The following IL34 variants were observed in gnomAD, a reference collection of about 807,000 sequenced individuals.
IL34 encodes the protein interleukin-34.
A neutral mutation model predicts 25.3 loss-of-function variants in IL34; 17 were observed. The ratio of observed to expected loss-of-function variants is 0.67; its 90% CI spans 0.46 to 1.01. IL34 has a LOEUF of 1.01. Among genes scored for constraint, IL34 ranks in the 50% least tolerant of loss-of-function variants. IL34 has a pLI of 0.00. For synonymous variants in IL34, 174 were observed against 140.9 expected (o/e 1.23, Z -1.66); for missense variants, 368 against 312.9 (o/e 1.18, Z -1.33).
chr16:70,608,485 G>C (rs1482133685), intron 1 of IL34, among the ~76,000 whole-genome samples: 10 of 152,196 alleles, frequency 6.6e-5, no homozygotes, highest in Non-Finnish European at 1.3e-4. Flanking sequence ...GGGATTAGGA[G>C]ATTAGGATAC....
At chr16:70,620,433 TGAG>T (rs1413516739) in intron 1 of IL34, among the ~76,000 whole-genome samples, 1 of 130,548 alleles carries the variant, frequency 7.7e-6, no homozygotes, top group Non-Finnish European at 1.6e-5. Flanking sequence ...CCACCAGGTG[TGAG>T]GAGGGGAGGT....
chr16:70,640,317 T>G (rs536794553), intron 1 of IL34, among the ~76,000 whole-genome samples: 1 of 152,206 alleles, frequency 6.6e-6, no homozygotes, highest in South Asian at 2.1e-4. Context: ...AATTTTGTAT[T>G]TTTTATTTTT....
intron 1 of IL34, among the ~76,000 whole-genome samples, chr16:70,598,118 T>C (rs2050851092): frequency 6.6e-6 from 1 of 152,172 alleles, no homozygotes; most frequent in Admixed American, 6.5e-5. Context: ...AGTGCTGGTA[T>C]TACAGGCATA....
At chr16:70,641,859 C>T (rs80102893), upstream of IL34, among the ~76,000 whole-genome samples, 7,597 of 152,102 alleles carry the variant, frequency 0.05, 252 homozygotes, top group Non-Finnish European at 0.07. Context: ...TGAGCCACTG[C>T]GCCTGGCCAA....
At chr16:70,594,388 T>C (rs896270339) in intron 1 of IL34, among the ~76,000 whole-genome samples, 1 of 152,204 alleles carries the variant, frequency 6.6e-6, no homozygotes, top group Non-Finnish European at 1.5e-5. Context: ...ATAAATGGCA[T>C]TGTGCTTTCA....
At position 70,653,346 on chromosome 16, in the gene IL34, C is replaced by CAAAAAAAAAA. The variant is rs200626111; in HGVS notation, c.29-1184_29-1175dup. On this transcript the variant is annotated intron_variant, in intron 1 of 5. Transcript: ENST00000288098. ...TGGGCAACATAGCAAAACCCTGTCT[C>CAAAAAAAAAA]AAAAAAAAAAAAAAAAAGCCCCAAC... 5.9e-3 allele frequency among the ~76,000 whole-genome samples: 513 copies of CAAAAAAAAAA among 86,724 alleles called. 6 individuals carry two copies. Among genetic ancestry groups the CAAAAAAAAAA allele is most frequent in the African/African-American group, 0.014 (402 of 28,816 alleles). 56.9% of individuals were successfully genotyped at this position (86,724 alleles called of 152,430 possible). A position where few individuals can be genotyped will look rare whatever the true frequency, so the allele number is the denominator to read the frequency against.
rs144821287 is a variant in IL34 at position 70,619,602 on chromosome 16, T to G, written c.-400-26946T>G. Among the ~76,000 whole-genome samples the G allele has an allele frequency of 5.7e-3, 874 of 152,290 alleles. 7 individuals carry two copies. Among genetic ancestry groups the G allele is most frequent in the Middle Eastern group, 0.017 (5 of 294 alleles). ...ACAGGCCCTTGAAAAGAAGGTAATG[T>G]GGAGTGGGTAGCCTCCGTATTGATT... On this transcript the variant is annotated intron_variant, in intron 1 of 6. Transcript: ENST00000429149.
intron 1 of IL34, among the ~76,000 whole-genome samples, chr16:70,632,325 G>A (rs567167175): frequency 1.3e-5 from 2 of 152,292 alleles, no homozygotes; most frequent in East Asian, 1.9e-4. Context: ...TATCTGCAGG[G>A]TGTGCTTAGA....
chr16:70,648,002 C>T (rs2051982843), intron 1 of IL34, among the ~76,000 whole-genome samples: 1 of 152,132 alleles, frequency 6.6e-6, no homozygotes, highest in Non-Finnish European at 1.5e-5. Context: ...CCAGTGTGAG[C>T]AAAGGTTTGG....
chr16:70,624,205 G>A (rs1372767968), intron 1 of IL34, among the ~76,000 whole-genome samples: 1 of 151,948 alleles, frequency 6.6e-6, no homozygotes, highest in East Asian at 1.9e-4. Flanking sequence ...CGGGCTGCCG[G>A]CATTCCTTGG....
At chr16:70,657,320 G>A in intron 4 of IL34, 199 bp downstream of exon 4, 1 of 595,594 alleles carries the variant, frequency 1.7e-6, no homozygotes, top group Non-Finnish European at 2.9e-6. Flanking sequence ...TGGTGGTCAT[G>A]AGAGCCGGGC....
At chr16:70,590,055 G>A (rs1325593361) in intron 1 of IL34, among the ~76,000 whole-genome samples, 1 of 152,162 alleles carries the variant, frequency 6.6e-6, no homozygotes, top group African/African-American at 2.4e-5. Context: ...TCTGCCTTCG[G>A]GGAGGTGTTG....
chr16:70,594,935 ATCTC>A lies in IL34; in HGVS notation c.-401+14904_-401+14907del, dbSNP rs1195224912. ...TTTCCAGGTGGCTGCATTTCAATTT[ATCTC>A]TCTCTCTCTCTCTCTCTTTTTTTTT... On this transcript the variant is annotated intron_variant, in intron 1 of 6. Coordinates refer to the IL34 transcript ENST00000429149. Among the ~76,000 whole-genome samples the A allele has an allele frequency of 2.7e-3, 386 of 145,304 alleles. 2 individuals are homozygous for A. The highest frequency in any genetic ancestry group is 4.3e-3 in the South Asian group (20 of 4,616).
intron 1 of IL34, among the ~76,000 whole-genome samples, chr16:70,626,294 A>T (rs569992262): frequency 6.6e-6 from 1 of 152,118 alleles, no homozygotes; most frequent in African/African-American, 2.4e-5. Flanking sequence ...TTTTATTTCT[A>T]TGGAGTCAAA....
chr16:70,599,547 T>C (rs1457904997), intron 1 of IL34, among the ~76,000 whole-genome samples: 1 of 148,922 alleles, frequency 6.7e-6, no homozygotes, highest in Non-Finnish European at 1.5e-5. Context: ...TTTTTTTTTT[T>C]AGTAGAGACG....
At position 70,656,682 on chromosome 16, in the gene IL34, G is replaced by A. The variant is rs2052231812; in HGVS notation, c.240+3G>A. ...GAATCGCCAACGTCACCAGGCTGGT[G>A]AGAATCCCTTCCTGGGCTGGGGGGA... On this transcript the variant is annotated splice_donor_region_variant and intron_variant, in intron 3 of 5. Coordinates refer to ENST00000288098, the MANE Select transcript of IL34 (RefSeq NM_001393494.1). 1 of 1,312,592 alleles carries A rather than the reference G, an allele frequency of 7.6e-7. No homozygotes were observed. The highest frequency in any genetic ancestry group is 1.1e-6 in the Non-Finnish European group (1 of 904,466). The allele number at this position is 1,312,592 out of a possible 1,614,324, so 81.3% of individuals were successfully genotyped here.
At chr16:70,590,150 G>A (rs952486282) in intron 1 of IL34, among the ~76,000 whole-genome samples, 2 of 152,176 alleles carry the variant, frequency 1.3e-5, no homozygotes, top group African/African-American at 2.4e-5. Context: ...AGCTGCTCAC[G>A]GCGGGAGAGG....
At chr16:70,591,601 A>G (rs3852697) in intron 1 of IL34, among the ~76,000 whole-genome samples, 4,664 of 148,100 alleles carry the variant, frequency 0.031, 285 homozygotes, top group African/African-American at 0.11. Context: ...AATGGCCCTC[A>G]CCGTCCTCCC....
intron 1 of IL34, among the ~76,000 whole-genome samples, chr16:70,610,825 G>A (rs1436231681): frequency 2.6e-5 from 4 of 152,152 alleles, no homozygotes; most frequent in Admixed American, 2.0e-4. Context: ...AGGAAGGAGG[G>A]GCCCCCTCAA....
Sources: gnomAD v4.1 joint callset for allele counts (sites outside exome capture counted in the v4.1 genomes callset) on GRCh38, gnomAD v4.1.1 for gene constraint, MANE v1.5 for transcripts, NCBI Gene and HGNC (gene_info 2026-07-23, HGNC 2026-07-21) for gene names.